RFTN2: variants seen among roughly 807,000 people sequenced by gnomAD.
RFTN2 encodes raftlin family member 2.
A neutral mutation model predicts 52.7 loss-of-function variants in RFTN2; 34 were observed. The observed-to-expected ratio is 0.64, with a 90% CI of 0.49 to 0.86. The LOEUF (loss-of-function observed/expected upper bound fraction) is 0.86, where lower values mean the gene tolerates loss of function less well. Among genes scored for constraint, RFTN2 ranks in the 40% least tolerant of loss-of-function variants. The pLI, the probability that RFTN2 is intolerant of heterozygous loss-of-function variation, is 0.00. For synonymous variants in RFTN2, 203 were observed against 217.7 expected (o/e 0.93, Z 0.59); for missense variants, 536 against 600.1 (o/e 0.89, Z 1.12).
intron 8 of RFTN2, among the ~76,000 whole-genome samples, chr2:197,589,891 T>C (rs1029940381): frequency 6.6e-6 from 1 of 152,182 alleles, no homozygotes; most frequent in Non-Finnish European, 1.5e-5. Flanking sequence ...AAATAGATTA[T>C]GCTTTTGGTC....
At chr2:197,572,493 CTT>C in intron 8 of RFTN2, among the ~76,000 whole-genome samples, 1 of 152,166 alleles carries the variant, frequency 6.6e-6, no homozygotes, top group East Asian at 1.9e-4. Context: ...TTTTGTAACT[CTT>C]TGTAGGTTCC....
At chr2:197,618,008 A>G (rs1377453009) in intron 5 of RFTN2, 87 bp from the exon 6 acceptor site, 1 of 1,080,632 alleles carries the variant, frequency 9.3e-7, no homozygotes, top group Non-Finnish European at 1.2e-6. Context: ...CTCATATAGG[A>G]AACTGAAGGA....
intron 1 of RFTN2, among the ~76,000 whole-genome samples, chr2:197,652,586 G>A (rs565107311): frequency 1.3e-5 from 2 of 152,206 alleles, no homozygotes; most frequent in East Asian, 3.9e-4. Flanking sequence ...CTTTTGCCAT[G>A]GGTAAAAACT....
intron 5 of RFTN2, among the ~76,000 whole-genome samples, chr2:197,628,597 G>A (rs957868715): frequency 6.9e-6 from 1 of 144,112 alleles, no homozygotes; most frequent in African/African-American, 2.7e-5. Flanking sequence ...TAAACTTTTT[G>A]GAGAGAAGAG....
chr2:197,609,262 G>A (rs1283225976), intron 7 of RFTN2, among the ~76,000 whole-genome samples: 1 of 152,148 alleles, frequency 6.6e-6, no homozygotes, highest in African/African-American at 2.4e-5. Context: ...GTGTAAAAGT[G>A]TCCCTATTTC....
At chr2:197,575,831 AAT>A (rs398105172) in intron 8 of RFTN2, among the ~76,000 whole-genome samples, 1 of 60,504 alleles carries the variant, frequency 1.7e-5, no homozygotes, top group Non-Finnish European at 3.7e-5. Flanking sequence ...TTCTATATAT[AAT>A]ATATTATATA....
chr2:197,583,468 A>C (rs1162453210), intron 8 of RFTN2, among the ~76,000 whole-genome samples: 1 of 152,036 alleles, frequency 6.6e-6, no homozygotes, highest in African/African-American at 2.4e-5. Flanking sequence ...TTCTAGTCAA[A>C]TCACCCCAGC....
At chr2:197,672,602 A>G (rs533380556) in intron 1 of RFTN2, among the ~76,000 whole-genome samples, 1 of 152,206 alleles carries the variant, frequency 6.6e-6, no homozygotes, top group Non-Finnish European at 1.5e-5. Flanking sequence ...TACCTTTCCA[A>G]GTAGATCATC....
intron 3 of RFTN2, among the ~76,000 whole-genome samples, chr2:197,636,005 C>A (rs2088559681): frequency 7.1e-6 from 1 of 140,978 alleles, no homozygotes; most frequent in Non-Finnish European, 1.5e-5. Flanking sequence ...ATCCTTTCCC[C>A]ATTGCTTGTT....
chr2:197,674,058 T>A (rs1255850530), intron 1 of RFTN2, among the ~76,000 whole-genome samples: 1 of 152,192 alleles, frequency 6.6e-6, no homozygotes, highest in Non-Finnish European at 1.5e-5. Flanking sequence ...TAGAAAAAAT[T>A]CAAACGGTTG....
At position 197,568,264 on chromosome 2, in the gene RFTN2, A is replaced by T. The variant is rs1043696565; in HGVS notation, c.*3744T>A. 1 of 152,212 alleles carries T rather than the reference A, an allele frequency of 6.6e-6. No homozygotes were observed. Among genetic ancestry groups the T allele is most frequent in the Non-Finnish European group, 1.5e-5 (1 of 68,036 alleles). 9.4% of individuals were successfully genotyped at this position (152,212 alleles called of 1,614,324 possible). On this transcript the variant is annotated 3_prime_UTR_variant, in exon 9 of 9. Coordinates refer to ENST00000295049, the MANE Select transcript of RFTN2 (RefSeq NM_144629.3). The stretch of plus-strand genomic sequence containing the variant: ...AATGATTCATTTATTCCATTGATTT[A>T]ATTACTTGGTATTTTTACATACAAA...
At chr2:197,654,312 G>C (rs2088864371) in intron 1 of RFTN2, among the ~76,000 whole-genome samples, 1 of 152,152 alleles carries the variant, frequency 6.6e-6, no homozygotes, top group Non-Finnish European at 1.5e-5. Flanking sequence ...CTTAAGCCCA[G>C]GAGTTTGAGG....
chr2:197,600,611 T>G (rs1237676004), intron 7 of RFTN2, among the ~76,000 whole-genome samples: 1 of 152,212 alleles, frequency 6.6e-6, no homozygotes, highest in Non-Finnish European at 1.5e-5. Context: ...GAGATAATTC[T>G]ATTTACAGAA....
At chr2:197,640,566 T>C (rs975587899) in intron 3 of RFTN2, among the ~76,000 whole-genome samples, 5 of 152,254 alleles carry the variant, frequency 3.3e-5, no homozygotes, top group African/African-American at 4.8e-5. Flanking sequence ...GCTTCCCAAG[T>C]GAGGCAATGC....
At chr2:197,607,168 A>G (rs1311855340) in intron 7 of RFTN2, among the ~76,000 whole-genome samples, 1 of 152,240 alleles carries the variant, frequency 6.6e-6, no homozygotes, top group Admixed American at 6.5e-5. Context: ...TGATGAGTTC[A>G]TGTTCTTTGT....
rs2087320374 is a variant in RFTN2 at position 197,571,688 on chromosome 2, C to T, written c.*320G>A. 3.3e-6 allele frequency: 1 copy of T among 302,786 alleles called. No individual in the cohort carries two copies. Among genetic ancestry groups the T allele is most frequent in the Non-Finnish European group, 6.2e-6 (1 of 161,648 alleles). 18.8% of individuals were successfully genotyped at this position (302,786 alleles called of 1,614,324 possible). A position where few individuals can be genotyped will look rare whatever the true frequency, so the allele number is the denominator to read the frequency against. On this transcript the variant is annotated 3_prime_UTR_variant, in exon 9 of 9. Transcript: ENST00000295049. ...AATACTGATTGAGATATTCAGTCTC[C>T]TTACCAGGAATTGTAAGAAAGTCTA...
intron 7 of RFTN2, among the ~76,000 whole-genome samples, chr2:197,603,752 T>TA (rs1230371889): frequency 6.6e-6 from 1 of 152,038 alleles, no homozygotes; most frequent in African/African-American, 2.4e-5. Context: ...CCGTCTCTAC[T>TA]AAAAAAACTA....
At chr2:197,661,756 C>T (rs898218620) in intron 1 of RFTN2, among the ~76,000 whole-genome samples, 16 of 152,184 alleles carry the variant, frequency 1.1e-4, no homozygotes, top group South Asian at 2.1e-4. Flanking sequence ...TTCCCACCAA[C>T]GGTGTATAAG....
intron 8 of RFTN2, among the ~76,000 whole-genome samples, chr2:197,578,066 G>A (rs1190398596): frequency 6.6e-6 from 1 of 152,168 alleles, no homozygotes; most frequent in Non-Finnish European, 1.5e-5. Flanking sequence ...AACACTGACA[G>A]AATCAAAATA....
Sources: allele counts gnomAD v4.1 joint callset (sites outside exome capture counted in the v4.1 genomes callset), GRCh38; gene constraint gnomAD v4.1.1; transcripts MANE v1.5; gene names NCBI Gene and HGNC (gene_info 2026-07-23, HGNC 2026-07-21).